Variants in SH2D4A observed in about 807,000 individuals in gnomAD.
SH2D4A encodes the protein SH2 domain-containing protein 4A.
SH2D4A carries 70 observed loss-of-function variants against 64.7 expected under a neutral mutation model. That is an observed-to-expected ratio of 1.08 (90% CI 0.89 to 1.32). The LOEUF (loss-of-function observed/expected upper bound fraction) is 1.32, where lower values mean the gene tolerates loss of function less well. Ranked by LOEUF, SH2D4A falls within the 40% of genes most tolerant of loss-of-function variation. The probability of loss-of-function intolerance (pLI) is 0.00; values close to 1 mark genes in which losing one functional copy is unlikely to be tolerated. For synonymous variants in SH2D4A, 268 were observed against 200.7 expected (o/e 1.34, Z -2.83); for missense variants, 706 against 540.1 (o/e 1.31, Z -3.04).
chr8:19,332,208 C>G (rs2052373001), intron 2 of SH2D4A, among the ~76,000 whole-genome samples: 1 of 152,282 alleles, frequency 6.6e-6, no homozygotes, highest in Non-Finnish European at 1.5e-5. Flanking sequence ...CACCCTTGAG[C>G]AGCTGTGGAA....
At position 19,313,719 on chromosome 8, in the gene SH2D4A, T is replaced by C. The variant is rs1585135539; in HGVS notation, c.-309T>C. 25 of 1,496,572 alleles carry C rather than the reference T, an allele frequency of 1.7e-5. 1 individual carries two copies. In the South Asian group the frequency reaches 2.7e-4, roughly 16 times the overall value. 92.7% of individuals were successfully genotyped at this position (1,496,572 alleles called of 1,614,324 possible). Reference sequence around the variant, plus strand: ...TATTTGCTCAGCCCGCCTGCGCCGCTTGGGACGCCTCTGCCTTTCCCTCCC... The same window carrying C: ...TATTTGCTCAGCCCGCCTGCGCCGCCTGGGACGCCTCTGCCTTTCCCTCCC... On this transcript the variant is annotated 5_prime_UTR_variant, in exon 1 of 10. Coordinates refer to ENST00000265807, the MANE Select transcript of SH2D4A (RefSeq NM_022071.4).
chr8:19,366,783 C>T (rs1167320826), intron 7 of SH2D4A, among the ~76,000 whole-genome samples: 3 of 152,174 alleles, frequency 2.0e-5, no homozygotes, highest in African/African-American at 7.2e-5. Context: ...CAGAGTGAGA[C>T]TCTGTCTCAA....
intron 2 of SH2D4A, among the ~76,000 whole-genome samples, chr8:19,331,510 C>T (rs537078698): frequency 3.2e-4 from 48 of 152,270 alleles, no homozygotes; most frequent in African/African-American, 1.0e-3. Flanking sequence ...GGGAGCATGA[C>T]CGATGTGGCC....
At chr8:19,352,447 TTTC>T (rs755247004) in intron 4 of SH2D4A, among the ~76,000 whole-genome samples, 6 of 152,240 alleles carry the variant, frequency 3.9e-5, no homozygotes, top group Non-Finnish European at 7.3e-5. Context: ...GCTTTCAGTT[TTTC>T]TTTTTTGGAA....
At chr8:19,380,348 T>C (rs969952878) in intron 8 of SH2D4A, among the ~76,000 whole-genome samples, 7 of 152,180 alleles carry the variant, frequency 4.6e-5, no homozygotes, top group Non-Finnish European at 7.3e-5. Context: ...GAGAGTGTCT[T>C]TTGATGTATA....
At chr8:19,382,236 A>G (rs10105089) in intron 8 of SH2D4A, among the ~76,000 whole-genome samples, 78,099 of 151,994 alleles carry the variant, frequency 0.51, 20,334 homozygotes, top group Middle Eastern at 0.55. Context: ...CTTAATTTGC[A>G]TCTCACTTTT....
At chr8:19,378,726 C>T (rs779084253) in intron 8 of SH2D4A, among the ~76,000 whole-genome samples, 74 of 151,962 alleles carry the variant, frequency 4.9e-4, no homozygotes, top group Middle Eastern at 3.4e-3. Flanking sequence ...TTTAAGTGTA[C>T]CATTCAGTGT....
chr8:19,370,985 CA>C (rs574204791), intron 7 of SH2D4A, among the ~76,000 whole-genome samples: 2 of 151,888 alleles, frequency 1.3e-5, no homozygotes, highest in African/African-American at 4.8e-5. Context: ...AGGAAAGAAA[CA>C]AAAAAACTGT....
intron 4 of SH2D4A, among the ~76,000 whole-genome samples, chr8:19,336,330 C>A (rs1025538353): frequency 2.0e-5 from 3 of 152,074 alleles, no homozygotes; most frequent in South Asian, 4.2e-4. Flanking sequence ...TTATGAAGGG[C>A]TACAAATATG....
In SH2D4A at chr8:19,332,962, C is replaced by A; in HGVS notation, c.189C>A (p.Gly63=). 6.2e-7 allele frequency: 1 copy of A among 1,609,172 alleles called. No individual in the cohort carries two copies. Among genetic ancestry groups the A allele is most frequent in the East Asian group, 2.2e-5 (1 of 44,846 alleles). ...PVKPRPKKEN[G]KSVHWKLGAD... The stretch of plus-strand genomic sequence containing the variant: ...TTGTGTGTTTGTTTGCAGAGAATGG[C>A]AAATCGGTTCATTGGAAACTTGGAG... Residue 63 remains glycine (G), a synonymous_variant, in exon 3 of 10, where the codon GGC becomes GGA. Transcript: ENST00000265807.
At chr8:19,340,956 C>G (rs1486762378) in intron 4 of SH2D4A, among the ~76,000 whole-genome samples, 4 of 152,166 alleles carry the variant, frequency 2.6e-5, no homozygotes, top group Non-Finnish European at 5.9e-5. Flanking sequence ...GGAGTTAAGT[C>G]TTTTCACAAT....
chr8:19,313,752 C>T lies in SH2D4A; in HGVS notation c.-276C>T. 6 of 1,509,864 alleles carry T rather than the reference C, an allele frequency of 4.0e-6. No homozygotes were observed. The highest frequency in any genetic ancestry group is 5.3e-6 in the Non-Finnish European group (6 of 1,134,724). 93.5% of individuals were successfully genotyped at this position (1,509,864 alleles called of 1,614,324 possible). A position where few individuals can be genotyped will look rare whatever the true frequency, so the allele number is the denominator to read the frequency against. ...CCTCTGCCTTTCCCTCCCTCCCTTCCCCGACGGCTTCTGGCGGCCAAGTGG... is the reference window on the plus strand; with the variant it reads ...CCTCTGCCTTTCCCTCCCTCCCTTCTCCGACGGCTTCTGGCGGCCAAGTGG... On this transcript the variant is annotated 5_prime_UTR_variant, in exon 1 of 10. Transcript: ENST00000265807.
Position 19,361,252 on chromosome 8 carries a change from A to T in SH2D4A, c.644A>T (p.Glu215Val), listed in dbSNP as rs753980371. 4.4e-6 allele frequency: 7 copies of T among 1,607,376 alleles called. No homozygotes were observed. The African/African-American group carries it at 9.4e-5, about 22-fold the overall frequency. Reference sequence around the variant, plus strand: ...CAAGATGAAGAAATAAATCAAATAGAAGAAGAGAGAACGAAGCAGATTTGT... The same window carrying T: ...CAAGATGAAGAAATAAATCAAATAGTAGAAGAGAGAACGAAGCAGATTTGT... ...KKQDEEINQI[E>V]EERTKQICKS... Residue 215 changes from glutamate to valine, a missense_variant, in exon 6 of 10, where the codon GAA becomes GTA. Glu to Val is a moderately radical substitution (Grantham distance 121). Coordinates refer to ENST00000265807, the MANE Select transcript of SH2D4A (RefSeq NM_022071.4).
intron 4 of SH2D4A, among the ~76,000 whole-genome samples, chr8:19,342,851 G>C (rs1042051102): frequency 6.6e-6 from 1 of 152,210 alleles, no homozygotes; most frequent in African/African-American, 2.4e-5. Context: ...AGAAAACATG[G>C]AGAAAGGGAA....
At chr8:19,321,325 T>C (rs59014792) in intron 2 of SH2D4A, among the ~76,000 whole-genome samples, 2,703 of 152,300 alleles carry the variant, frequency 0.018, 77 homozygotes, top group African/African-American at 0.062. Context: ...GCAATTCTCC[T>C]GCCTCAGCCT....
chr8:19,353,268 C>G (rs1015673746), intron 4 of SH2D4A, among the ~76,000 whole-genome samples: 1 of 152,102 alleles, frequency 6.6e-6, no homozygotes, highest in Non-Finnish European at 1.5e-5. Context: ...GCCTCTTCAT[C>G]CTGCCTCTAG....
At chr8:19,348,473 A>G (rs956669459) in intron 4 of SH2D4A, among the ~76,000 whole-genome samples, 1 of 152,162 alleles carries the variant, frequency 6.6e-6, no homozygotes, top group African/African-American at 2.4e-5. Context: ...TTAAGATATA[A>G]TATGAAACTT....
At position 19,361,260 on chromosome 8, in the gene SH2D4A, A is replaced by G. The variant is rs2052881943; in HGVS notation, c.652A>G (p.Arg218Gly). ...DEEINQIEEE[R>G]TKQICKSWKE... ...AGAAATAAATCAAATAGAAGAAGAG[A>G]GAACGAAGCAGATTTGTAAGAGCTG... The change falls in exon 6 of 10, where the codon AGA becomes GGA. Residue 218 changes from arginine (R) to glycine (G), a missense_variant. Transcript: ENST00000265807. 13 of 1,611,828 alleles carry G rather than the reference A, an allele frequency of 8.1e-6. No homozygotes were observed. Among genetic ancestry groups the G allele is most frequent in the Non-Finnish European group, 1.1e-5 (13 of 1,178,862 alleles).
At chr8:19,325,932 C>T (rs1481250766) in intron 2 of SH2D4A, among the ~76,000 whole-genome samples, 3 of 152,192 alleles carry the variant, frequency 2.0e-5, no homozygotes, top group Non-Finnish European at 4.4e-5. Context: ...GCGTTTTCAT[C>T]ACCCTGCCGC....
Sources: gnomAD v4.1 joint callset for allele counts (sites outside exome capture counted in the v4.1 genomes callset) on GRCh38, gnomAD v4.1.1 for gene constraint, MANE v1.5 for transcripts, NCBI Gene and HGNC (gene_info 2026-07-23, HGNC 2026-07-21) for gene names.